The following RAB38 variants were observed in gnomAD, a reference collection of about 807,000 sequenced individuals.
RAB38 encodes the protein ras-related protein Rab-38.
Under a neutral mutation model 18.4 loss-of-function variants are expected in RAB38, and 15 were observed. That is an observed-to-expected ratio of 0.82 (90% CI 0.55 to 1.26). RAB38 has a LOEUF of 1.26. Ranked by LOEUF, RAB38 falls within the 50% of genes most tolerant of loss-of-function variation. The pLI is 0.00. For synonymous variants in RAB38, 101 were observed against 104.4 expected, an observed-to-expected ratio of 0.97 and a Z score of 0.20; for missense variants, 294 against 267.4, an observed-to-expected ratio of 1.10 and a Z score of -0.69.
chr11:87,839,167 A>T, the RAB38 span, among the ~76,000 whole-genome samples: 1 of 152,168 alleles, frequency 6.6e-6, no homozygotes, highest in Non-Finnish European at 1.5e-5. Flanking sequence ...GTAAACTCCT[A>T]GTGCTTTTAT....
chr11:88,030,843 A>G, the RAB38 span, among the ~76,000 whole-genome samples: 2 of 152,064 alleles, frequency 1.3e-5, no homozygotes, highest in African/African-American at 4.8e-5. Flanking sequence ...ATTCCAATCA[A>G]TAGAAAAAGA....
the RAB38 span, among the ~76,000 whole-genome samples, chr11:87,906,431 G>A: frequency 5.9e-5 from 9 of 152,002 alleles, no homozygotes; most frequent in South Asian, 1.9e-3. Context: ...TTAAAATGGA[G>A]ATAGAAATAC....
the RAB38 span, among the ~76,000 whole-genome samples, chr11:87,917,520 C>T: frequency 1.4e-5 from 2 of 141,956 alleles, no homozygotes; most frequent in African/African-American, 5.1e-5. Flanking sequence ...TCACTTGTCT[C>T]ACTGAAGTGT....
chr11:88,119,051 A>G (rs750438518), intron 2 of RAB38, among the ~76,000 whole-genome samples: 1 of 152,288 alleles, frequency 6.6e-6, no homozygotes, highest in South Asian at 2.1e-4. Context: ...CATACATTAC[A>G]TTACAATGAA....
In RAB38 at chr11:88,113,950, A is replaced by G. The variant is rs1942510756; in HGVS notation, c.*38T>C. The G allele has an allele frequency of 6.2e-7, 1 of 1,611,980 alleles. No homozygotes were observed. The highest frequency in any genetic ancestry group is 2.2e-5 in the East Asian group (1 of 44,858). Reference sequence around the variant, plus strand: ...AAATAGAGGCACAATTTGTGGAACAATGAGGTCATTCCTACCAGACACCAG... The same window carrying G: ...AAATAGAGGCACAATTTGTGGAACAGTGAGGTCATTCCTACCAGACACCAG... On this transcript the variant is annotated 3_prime_UTR_variant, in exon 3 of 3. Coordinates refer to ENST00000243662, the MANE Select transcript of RAB38 (RefSeq NM_022337.3).
At chr11:87,837,970 GCAAT>G in the RAB38 span, among the ~76,000 whole-genome samples, 4 of 152,086 alleles carry the variant, frequency 2.6e-5, no homozygotes, top group East Asian at 5.8e-4. Context: ...CTGCTCTTAA[GCAAT>G]CAGAGTTTAA....
chr11:88,041,065 A>T, the RAB38 span, among the ~76,000 whole-genome samples: 1 of 152,208 alleles, frequency 6.6e-6, no homozygotes, highest in African/African-American at 2.4e-5. Flanking sequence ...CTGTCCCTCC[A>T]GAGAAGTTTC....
At chr11:87,821,801 A>G in the RAB38 span, among the ~76,000 whole-genome samples, 1 of 151,418 alleles carries the variant, frequency 6.6e-6, no homozygotes, top group Non-Finnish European at 1.5e-5. Context: ...CAGTGAGCCG[A>G]GATCCCGCCA....
At chr11:88,140,186 C>T (rs999044942) in intron 2 of RAB38, among the ~76,000 whole-genome samples, 3 of 152,136 alleles carry the variant, frequency 2.0e-5, no homozygotes, top group African/African-American at 4.8e-5. Flanking sequence ...GCTTCCCTCA[C>T]CTTCATTTTT....
the RAB38 span, among the ~76,000 whole-genome samples, chr11:88,012,931 C>T: frequency 3.2e-4 from 49 of 152,212 alleles, no homozygotes; most frequent in African/African-American, 1.1e-3. Context: ...CAAAGGACTA[C>T]GTGTACAGAA....
At chr11:87,902,785 A>C in the RAB38 span, among the ~76,000 whole-genome samples, 1 of 151,132 alleles carries the variant, frequency 6.6e-6, no homozygotes, top group African/African-American at 2.4e-5. Flanking sequence ...CTTTCAAATG[A>C]TATTTTAAAA....
At chr11:88,120,832 A>G (rs1050420351) in intron 2 of RAB38, among the ~76,000 whole-genome samples, 2 of 151,684 alleles carry the variant, frequency 1.3e-5, no homozygotes, top group Non-Finnish European at 1.5e-5. Context: ...CCCTCCCATC[A>G]CCCTAGCCAC....
At chr11:87,945,967 T>G in the RAB38 span, among the ~76,000 whole-genome samples, 7,114 of 152,222 alleles carry the variant, frequency 0.047, 277 homozygotes, top group East Asian at 0.2. Flanking sequence ...GTAAGTGAGA[T>G]AATGCACTGT....
chr11:88,168,225 A>G (rs982350142), intron 1 of RAB38, among the ~76,000 whole-genome samples: 5 of 152,172 alleles, frequency 3.3e-5, no homozygotes, highest in African/African-American at 4.8e-5. Flanking sequence ...TGTGGTATTT[A>G]AATTGCAAAT....
At chr11:87,977,544 TATATA>T in the RAB38 span, among the ~76,000 whole-genome samples, 880 of 117,840 alleles carry the variant, frequency 7.5e-3, 17 homozygotes, top group African/African-American at 0.027. Flanking sequence ...ATATCATTAT[TATATA>T]ATATAATTAT....
chr11:87,923,185 G>A, the RAB38 span, among the ~76,000 whole-genome samples: 16 of 151,914 alleles, frequency 1.1e-4, no homozygotes, highest in African/African-American at 3.9e-4. Flanking sequence ...GCGTTGGGGT[G>A]GTTGAAGTAG....
the RAB38 span, among the ~76,000 whole-genome samples, chr11:87,973,611 G>A: frequency 7.0e-6 from 1 of 143,610 alleles, no homozygotes; most frequent in Non-Finnish European, 1.6e-5. Flanking sequence ...TTTTGGTGTA[G>A]GTTACTAGAC....
chr11:88,097,095 A>T, the RAB38 span, among the ~76,000 whole-genome samples: 1 of 151,928 alleles, frequency 6.6e-6, no homozygotes, highest in Non-Finnish European at 1.5e-5. Flanking sequence ...ACACAGCTCA[A>T]ATACTGGACT....
chr11:87,939,863 G>A, the RAB38 span, among the ~76,000 whole-genome samples: 1 of 152,044 alleles, frequency 6.6e-6, no homozygotes. Context: ...CTATACCCCA[G>A]CTACACCTCA....
Sources: gnomAD v4.1 joint callset for allele counts (sites outside exome capture counted in the v4.1 genomes callset) on GRCh38, gnomAD v4.1.1 for gene constraint, MANE v1.5 for transcripts, NCBI Gene and HGNC (gene_info 2026-07-23, HGNC 2026-07-21) for gene names.